ITGBL1: variants seen among roughly 807,000 people sequenced by gnomAD.
ITGBL1 encodes integrin subunit beta like 1.
In ITGBL1, 51 loss-of-function variants were observed where a neutral mutation model predicts 68.5. The ratio of observed to expected loss-of-function variants is 0.74; its 90% confidence interval spans 0.59 to 0.94. ITGBL1 has a LOEUF of 0.94. Ranked by LOEUF, ITGBL1 falls within the 40% of genes least tolerant of loss-of-function variation. The pLI is 0.00. For synonymous variants in ITGBL1, 209 were observed against 227.3 expected (o/e 0.92, Z 0.72); for missense variants, 649 against 647.4 (o/e 1.00, Z -0.03).
intron 2 of ITGBL1, among the ~76,000 whole-genome samples, chr13:101,549,728 A>G (rs190262806): frequency 1.3e-5 from 2 of 152,240 alleles, no homozygotes; most frequent in Admixed American, 1.3e-4. Context: ...GAAAATATCC[A>G]GTATAATTTT....
intron 2 of ITGBL1, among the ~76,000 whole-genome samples, chr13:101,488,522 G>C (rs1425969752): frequency 2.0e-5 from 3 of 152,190 alleles, no homozygotes; most frequent in Non-Finnish European, 4.4e-5. Flanking sequence ...AAAGACCTAA[G>C]CTGACTGTCA....
chr13:101,472,975 T>C (rs920181853), intron 2 of ITGBL1, among the ~76,000 whole-genome samples: 11 of 152,176 alleles, frequency 7.2e-5, no homozygotes, highest in Admixed American at 6.5e-4. Flanking sequence ...TTATGTTGTG[T>C]GTATAATTAT....
chr13:101,600,906 T>C (rs1303717173), intron 7 of ITGBL1, among the ~76,000 whole-genome samples: 1 of 152,144 alleles, frequency 6.6e-6, no homozygotes, highest in Non-Finnish European at 1.5e-5. Flanking sequence ...TCTCTTTTTT[T>C]GTTGTGTCTC....
chr13:101,598,037 A>AT, intron 6 of ITGBL1, 116 bp from the exon 7 acceptor site: 2 of 943,718 alleles, frequency 2.1e-6, no homozygotes, highest in Non-Finnish European at 3.1e-6. Context: ...TTAATATGTT[A>AT]TATTATGTTC....
intron 2 of ITGBL1, among the ~76,000 whole-genome samples, chr13:101,455,653 G>T (rs188238611): frequency 6.6e-6 from 1 of 152,326 alleles, no homozygotes; most frequent in East Asian, 1.9e-4. Flanking sequence ...AACAGAGCGA[G>T]ACTTCATCTC....
At chr13:101,686,059 G>A (rs1371318144) in intron 7 of ITGBL1, among the ~76,000 whole-genome samples, 3 of 152,058 alleles carry the variant, frequency 2.0e-5, no homozygotes, top group African/African-American at 4.8e-5. Flanking sequence ...GATGAGACTG[G>A]AGTTAAGAGA....
chr13:101,669,816 C>T (rs2033314667), intron 7 of ITGBL1, among the ~76,000 whole-genome samples: 1 of 152,100 alleles, frequency 6.6e-6, no homozygotes, highest in Admixed American at 6.6e-5. Context: ...TTGGAGTTTC[C>T]TCTTGAAGCT....
chr13:101,603,847 CTTTAGGTACAGTGATT>C (rs2030535616), intron 7 of ITGBL1, among the ~76,000 whole-genome samples: 1 of 151,798 alleles, frequency 6.6e-6, no homozygotes, highest in African/African-American at 2.4e-5. Flanking sequence ...AGTTAGAGAA[CTTTAGGTACAGTGATT>C]TTTACTGTTA....
intron 2 of ITGBL1, among the ~76,000 whole-genome samples, chr13:101,524,427 A>G (rs2049338254): frequency 6.6e-6 from 1 of 151,870 alleles, no homozygotes; most frequent in South Asian, 2.1e-4. Flanking sequence ...TACAAAACTT[A>G]AAAAATGACA....
chr13:101,505,023 C>T (rs2049004855), intron 2 of ITGBL1, among the ~76,000 whole-genome samples: 1 of 152,106 alleles, frequency 6.6e-6, no homozygotes, highest in Non-Finnish European at 1.5e-5. Context: ...AATACTGAGG[C>T]GTTTTGGGTG....
At position 101,491,200 on chromosome 13, in the gene ITGBL1, A is replaced by T. The variant is rs187281449; in HGVS notation, c.316+37100A>T. Among the ~76,000 whole-genome samples, 45 of 152,324 alleles carry T rather than the reference A, an allele frequency of 3.0e-4. No individual in the cohort carries two copies. The East Asian group carries it at 7.5e-3, about 25-fold the overall frequency. On this transcript the variant is annotated intron_variant, in intron 2 of 10. Coordinates refer to ENST00000376180, the MANE Select transcript of ITGBL1 (RefSeq NM_004791.3). ...TGATTAAAGATTATGAATAAAATGCATCGGTCTTTTTTGTCCTACATTCTC... is the reference window on the plus strand; with the variant it reads ...TGATTAAAGATTATGAATAAAATGCTTCGGTCTTTTTTGTCCTACATTCTC...
intron 2 of ITGBL1, among the ~76,000 whole-genome samples, chr13:101,459,081 C>A (rs1566683500): frequency 6.6e-6 from 1 of 152,120 alleles, no homozygotes; most frequent in African/African-American, 2.4e-5. Context: ...CAAGAAATCA[C>A]AGGAAAGAAC....
chr13:101,633,224 G>A (rs1445547343), intron 7 of ITGBL1, among the ~76,000 whole-genome samples: 1 of 152,104 alleles, frequency 6.6e-6, no homozygotes, highest in Non-Finnish European at 1.5e-5. Context: ...GCCATTTTAG[G>A]CACCTCCATA....
chr13:101,480,103 T>G (rs2048596103), intron 2 of ITGBL1, among the ~76,000 whole-genome samples: 1 of 152,074 alleles, frequency 6.6e-6, no homozygotes, highest in East Asian at 1.9e-4. Context: ...AAAGAAAATG[T>G]GGTATCTATA....
chr13:101,564,721 T>G (rs2050155465), intron 2 of ITGBL1, among the ~76,000 whole-genome samples: 1 of 150,422 alleles, frequency 6.6e-6, no homozygotes, highest in Admixed American at 6.7e-5. Flanking sequence ...AACATATATA[T>G]AGAAACACAG....
intron 7 of ITGBL1, among the ~76,000 whole-genome samples, chr13:101,604,887 TAC>T (rs1555361670): frequency 4.5e-5 from 1 of 22,164 alleles, no homozygotes; most frequent in African/African-American, 1.5e-4. Context: ...TATATATATA[TAC>T]ACACACACAC....
chr13:101,687,576 T>A (rs1008221185), intron 7 of ITGBL1, among the ~76,000 whole-genome samples: 1 of 152,138 alleles, frequency 6.6e-6, no homozygotes, highest in African/African-American at 2.4e-5. Flanking sequence ...TCTAAAAATC[T>A]GCCTTAGTTC....
rs1161882032 is a variant in ITGBL1 at position 101,598,261 on chromosome 13, A to C, written c.977A>C (p.Lys326Thr). The C allele has an allele frequency of 6.2e-7, 1 of 1,613,446 alleles. No homozygotes were observed. The highest frequency in any genetic ancestry group is 2.2e-5 in the East Asian group (1 of 44,740). Residue 326 changes from lysine to threonine, a missense_variant, in exon 7 of 11, where the codon AAG (lysine) becomes ACG (threonine). Lys to Thr is a moderately conservative substitution (Grantham distance 78). Transcript: ENST00000376180. ...CTGTCAGCTGAGGAGAGCATCAGGA[A>C]GTGCCAGGGAAGCTCGGATCTGCCT... ...CTLSAEESIR[K>T]CQGSSDLPCS... is the part of the protein sequence containing the mutation.
chr13:101,608,372 CT>C (rs34696802), intron 7 of ITGBL1, among the ~76,000 whole-genome samples: 150 of 144,020 alleles, frequency 1.0e-3, no homozygotes, highest in African/African-American at 2.8e-3. Flanking sequence ...GCTTTCTTTC[CT>C]TTTTTTTTTT....
Sources: gnomAD v4.1 joint callset for allele counts (sites outside exome capture counted in the v4.1 genomes callset) on GRCh38, gnomAD v4.1.1 for gene constraint, MANE v1.5 for transcripts, NCBI Gene and HGNC (gene_info 2026-07-23, HGNC 2026-07-21) for gene names.